Variants in TOM1 observed in about 807,000 individuals in gnomAD.
The protein encoded by TOM1 is target of myb1 membrane trafficking protein, also known as target of Myb protein 1.
Under a neutral mutation model 61.3 loss-of-function variants are expected in TOM1, and 38 were observed. That is an observed-to-expected ratio of 0.62 (90% CI 0.48 to 0.81). TOM1 has a LOEUF of 0.81. Ranked by LOEUF, TOM1 falls within the 40% of genes least tolerant of loss-of-function variation. The pLI is 0.00. For synonymous variants in TOM1, 270 were observed against 268.8 expected (o/e 1.00, Z -0.04); for missense variants, 591 against 659.6 (o/e 0.90, Z 1.14).
intron 10 of TOM1, among the ~76,000 whole-genome samples, chr22:35,334,000 A>G (rs1929060966): frequency 6.6e-6 from 1 of 152,130 alleles, no homozygotes. Flanking sequence ...TTGCATCACT[A>G]ATGCTATACT....
intron 9 of TOM1, 96 bp from the exon 10 acceptor site, chr22:35,333,308 G>C (rs1353661221): frequency 1.7e-6 from 2 of 1,186,766 alleles, no homozygotes; most frequent in East Asian, 4.8e-5. Flanking sequence ...CCTGGTGACA[G>C]ATCCCTGGGC....
At chr22:35,314,305 C>G (rs545931266) in intron 1 of TOM1, among the ~76,000 whole-genome samples, 1 of 152,220 alleles carries the variant, frequency 6.6e-6, no homozygotes, top group African/African-American at 2.4e-5. Flanking sequence ...TCTTCCTCTC[C>G]CCTTTCTCGT....
intron 12 of TOM1, among the ~76,000 whole-genome samples, chr22:35,340,740 C>G (rs1188529982): frequency 6.6e-6 from 1 of 151,466 alleles, no homozygotes; most frequent in African/African-American, 2.4e-5. Flanking sequence ...GAGTAAGACC[C>G]TGTCTCAAGA....
chr22:35,301,726 G>C (rs1925812299), intron 1 of TOM1, among the ~76,000 whole-genome samples: 1 of 152,116 alleles, frequency 6.6e-6, no homozygotes, highest in African/African-American at 2.4e-5. Context: ...CTCTCCAAGG[G>C]GGAGGTGGCA....
intron 3 of TOM1, chr22:35,322,309 G>A: frequency 2.3e-6 from 1 of 441,616 alleles, no homozygotes; most frequent in Non-Finnish European, 4.1e-6. Context: ...AAGGACCTGT[G>A]GGTGACATTG....
intron 12 of TOM1, among the ~76,000 whole-genome samples, chr22:35,339,425 C>T (rs1929677308): frequency 6.6e-6 from 1 of 152,194 alleles, no homozygotes; most frequent in African/African-American, 2.4e-5. Context: ...AATGACTGGC[C>T]TTTCTGACCC....
At chr22:35,334,505 G>C in intron 11 of TOM1, 57 bp downstream of exon 11, 1 of 1,604,770 alleles carries the variant, frequency 6.2e-7, no homozygotes, top group Non-Finnish European at 8.5e-7. Context: ...TCGGGGTTCT[G>C]GAACCCGGTT....
chr22:35,309,087 C>G (rs1191941450), intron 1 of TOM1, among the ~76,000 whole-genome samples: 2 of 152,142 alleles, frequency 1.3e-5, no homozygotes, highest in African/African-American at 2.4e-5. Context: ...TTATGGGGTG[C>G]TTGAAATTCT....
intron 6 of TOM1, among the ~76,000 whole-genome samples, chr22:35,325,655 T>C (rs1423378265): frequency 6.6e-6 from 1 of 152,006 alleles, no homozygotes; most frequent in Non-Finnish European, 1.5e-5. Flanking sequence ...TTTTTCTGAG[T>C]GGGTTAAAGG....
At chr22:35,303,612 C>T (rs1045638528) in intron 1 of TOM1, among the ~76,000 whole-genome samples, 1 of 151,574 alleles carries the variant, frequency 6.6e-6, no homozygotes, top group Non-Finnish European at 1.5e-5. Flanking sequence ...ATTCTCCTGC[C>T]TCAGCCTCCC....
chr22:35,335,877 A>G (rs1357666524), intron 11 of TOM1: 1 of 154,144 alleles, frequency 6.5e-6, no homozygotes, highest in African/African-American at 2.4e-5. Flanking sequence ...GGGTGATAGG[A>G]AGGCCATTTC....
chr22:35,299,811 T>TG, upstream of TOM1: 4 of 1,216,322 alleles, frequency 3.3e-6, no homozygotes, highest in Admixed American at 2.1e-5. Flanking sequence ...AGCTTCGCGG[T>TG]GCCACCGCCC....
chr22:35,307,373 T>C (rs138767), intron 1 of TOM1, among the ~76,000 whole-genome samples: 78,121 of 152,022 alleles, frequency 0.51, 22,903 homozygotes, highest in Non-Finnish European at 0.65. Context: ...AGAGGAAAAA[T>C]TTAATGTCCC....
chr22:35,335,374 G>A (rs1466186549), intron 11 of TOM1, among the ~76,000 whole-genome samples: 1 of 152,222 alleles, frequency 6.6e-6, no homozygotes, highest in East Asian at 1.9e-4. Flanking sequence ...CCAGGCTGTA[G>A]CCTGCTAGGT....
intron 1 of TOM1, among the ~76,000 whole-genome samples, chr22:35,306,783 C>T (rs1259542319): frequency 6.6e-6 from 1 of 152,178 alleles, no homozygotes; most frequent in African/African-American, 2.4e-5. Context: ...TAAGTGCCAG[C>T]CCAAGATTCT....
Position 35,345,785 on chromosome 22 carries a change from G to T in TOM1, c.1284+1G>T. 2 of 1,613,934 alleles carry T rather than the reference G, an allele frequency of 1.2e-6. No individual in the cohort carries two copies. Among genetic ancestry groups the T allele is most frequent in the Non-Finnish European group, 1.7e-6 (2 of 1,180,000 alleles). ...CGAGCAGTGGCTGTCCACTGACGTGGTATGTTGGGGCCCACTCCTCACCCA... is the reference window on the plus strand; with the variant it reads ...CGAGCAGTGGCTGTCCACTGACGTGTTATGTTGGGGCCCACTCCTCACCCA... On this transcript the variant is annotated splice_donor_variant, in intron 13 of 14. Transcript: ENST00000449058. LOFTEE classifies it high-confidence loss of function.
rs112365391 is a variant in TOM1, at chr22:35,317,468, G to A, written c.53-409G>A. On this transcript the variant is annotated intron_variant, in intron 1 of 14. Coordinates refer to ENST00000449058, the MANE Select transcript of TOM1 (RefSeq NM_005488.3). The stretch of plus-strand genomic sequence containing the variant: ...CTCCCAAAGTGCTGGGATTACAGGC[G>A]TGAGCCACCGCGCCCAGCTCAAAAG... Among the ~76,000 whole-genome samples, 1,393 of 152,272 alleles carry A rather than the reference G, an allele frequency of 9.1e-3. 14 individuals carry two copies. Among genetic ancestry groups the A allele is most frequent in the African/African-American group, 0.032 (1,341 of 41,560 alleles).
At chr22:35,306,363 T>C (rs1395226851) in intron 1 of TOM1, among the ~76,000 whole-genome samples, 1 of 152,178 alleles carries the variant, frequency 6.6e-6, no homozygotes, top group Non-Finnish European at 1.5e-5. Flanking sequence ...AGTGTGCCCA[T>C]GTGAGCCCTA....
chr22:35,299,863 G>T, upstream of TOM1: 1 of 1,538,248 alleles, frequency 6.5e-7, no homozygotes, highest in South Asian at 1.2e-5. Flanking sequence ...GTCACGTGAC[G>T]GGTCGGTGGC....
Sources: allele counts gnomAD v4.1 joint callset (sites outside exome capture counted in the v4.1 genomes callset), GRCh38; gene constraint gnomAD v4.1.1; transcripts MANE v1.5; gene names NCBI Gene and HGNC (gene_info 2026-07-23, HGNC 2026-07-21).